CCDC171: variants seen among roughly 807,000 people sequenced by gnomAD.
CCDC171 encodes the protein coiled-coil domain containing 171, also known as coiled-coil domain-containing protein 171.
In CCDC171, 177 loss-of-function variants were observed where a neutral mutation model predicts 168.2. The observed-to-expected ratio is 1.05, with a 90% CI of 0.93 to 1.19. CCDC171 has a LOEUF of 1.19. CCDC171 is among the 50% of genes most tolerant of loss of function. The probability of loss-of-function intolerance (pLI) is 0.00; values close to 1 mark genes in which losing one functional copy is unlikely to be tolerated. For synonymous variants in CCDC171, 687 were observed against 540.8 expected (o/e 1.27, Z -3.75); for missense variants, 1,991 against 1,539.0 (o/e 1.29, Z -4.91).
intron 3 of CCDC171, among the ~76,000 whole-genome samples, chr9:15,983,815 AGAGTGTGTGTGTGT>A (rs1471041754): frequency 2.4e-5 from 3 of 124,584 alleles, no homozygotes; most frequent in South Asian, 5.6e-4. Context: ...CTAAATAAAG[AGAGTGTGTGTGTGT>A]GTGTGTGTGT....
intron 7 of CCDC171, among the ~76,000 whole-genome samples, chr9:15,626,103 T>A (rs1371928470): frequency 6.6e-6 from 1 of 152,222 alleles, no homozygotes; most frequent in Non-Finnish European, 1.5e-5. Flanking sequence ...GTTCCACTCA[T>A]GATATGGCTG....
chr9:15,632,465 G>T (rs958968440), intron 7 of CCDC171, among the ~76,000 whole-genome samples: 1 of 151,962 alleles, frequency 6.6e-6, no homozygotes, highest in Non-Finnish European at 1.5e-5. Context: ...AACTTACAAG[G>T]GATGTGAAGG....
At chr9:16,097,757 T>C in the CCDC171 span, among the ~76,000 whole-genome samples, 2 of 152,312 alleles carry the variant, frequency 1.3e-5, no homozygotes, top group East Asian at 3.9e-4. Flanking sequence ...AAGAGGCTCA[T>C]TGAGATAAAT....
chr9:15,965,697 A>AGGAGCTACTC (rs57983659), intron 25 of CCDC171, among the ~76,000 whole-genome samples: 1 of 151,968 alleles, frequency 6.6e-6, no homozygotes, highest in Non-Finnish European at 1.5e-5. Flanking sequence ...AGAAGGGAAG[A>AGGAGCTACTC]TATGCTACAC....
intron 6 of CCDC171, among the ~76,000 whole-genome samples, chr9:15,608,665 C>G (rs932609742): frequency 2.0e-5 from 3 of 150,940 alleles, no homozygotes; most frequent in Non-Finnish European, 4.4e-5. Context: ...TTAATAGGAA[C>G]TTTTGGCTGG....
intron 6 of CCDC171, among the ~76,000 whole-genome samples, chr9:16,027,604 G>C (rs962641143): frequency 4.6e-5 from 7 of 152,180 alleles, no homozygotes; most frequent in Non-Finnish European, 1.0e-4. Flanking sequence ...TGAGTTTTCA[G>C]GACTGAGTAT....
In CCDC171 at chr9:15,974,010, C is replaced by A. The variant is rs970795763; in HGVS notation, c.*2174C>A. The stretch of plus-strand genomic sequence containing the variant: ...TTATAATCTGTTAATGGGATAACTC[C>A]AAAAATAAATGTGTATGTGTCTCCA... On this transcript the variant is annotated 3_prime_UTR_variant, in exon 26 of 26. Coordinates refer to ENST00000380701, the MANE Select transcript of CCDC171 (RefSeq NM_173550.4). The A allele has an allele frequency of 1.3e-5, 2 of 152,014 alleles. No homozygotes were observed. Among genetic ancestry groups the A allele is most frequent in the African/African-American group, 4.8e-5 (2 of 41,384 alleles). The allele number at this position is 152,014 out of a possible 1,614,324, so 9.4% of individuals were successfully genotyped here.
At chr9:16,063,260 C>T (rs768386479), downstream of CCDC171, among the ~76,000 whole-genome samples, 1 of 152,108 alleles carries the variant, frequency 6.6e-6, no homozygotes, top group East Asian at 1.9e-4. Context: ...ACTCCAGATG[C>T]CCCAGGCAGA....
intron 24 of CCDC171, among the ~76,000 whole-genome samples, chr9:15,878,781 G>T (rs536239105): frequency 1.3e-5 from 2 of 152,136 alleles, no homozygotes; most frequent in Non-Finnish European, 2.9e-5. Flanking sequence ...TATACACCAT[G>T]GAATACTATA....
At chr9:16,000,473 T>C (rs1199743717) in intron 3 of CCDC171, among the ~76,000 whole-genome samples, 1 of 152,152 alleles carries the variant, frequency 6.6e-6, no homozygotes, top group Admixed American at 6.6e-5. Context: ...ATTTTAATCA[T>C]CTTTAACACT....
intron 18 of CCDC171, among the ~76,000 whole-genome samples, chr9:15,768,726 T>C (rs1188740130): frequency 2.6e-5 from 4 of 152,232 alleles, no homozygotes; most frequent in African/African-American, 4.8e-5. Flanking sequence ...GGTCATTCTA[T>C]AGATACATTA....
intron 16 of CCDC171, among the ~76,000 whole-genome samples, chr9:15,740,687 G>A (rs764289578): frequency 3.3e-5 from 5 of 152,018 alleles, no homozygotes; most frequent in Admixed American, 6.5e-5. Flanking sequence ...TGATCCACCC[G>A]CCTTGGCCTC....
chr9:15,744,473 A>G lies in CCDC171; in HGVS notation c.2250A>G (p.Thr750=), dbSNP rs750388048. Residue 750 remains threonine, a synonymous_variant, in exon 17 of 26, where the codon ACA becomes ACG. Coordinates refer to ENST00000380701, the MANE Select transcript of CCDC171 (RefSeq NM_173550.4). Reference sequence around the variant, plus strand: ...ATAGCCGATCATGCGCCTTGTCTACACAGAGAGATTTTCTCCAGGAGCAGG... The same window carrying G: ...ATAGCCGATCATGCGCCTTGTCTACGCAGAGAGATTTTCTCCAGGAGCAGG... ...PLYSRSCALS[T]QRDFLQEQVN... The G allele has an allele frequency of 5.6e-6, 9 of 1,614,186 alleles. No individual in the cohort carries two copies. Among genetic ancestry groups the G allele is most frequent in the Non-Finnish European group, 2.5e-6 (3 of 1,180,020 alleles).
At position 15,647,448 on chromosome 9, in the gene CCDC171, G is replaced by C. The variant is rs531479917; in HGVS notation, c.823-9679G>C. 5.3e-5 allele frequency among the ~76,000 whole-genome samples: 8 copies of C among 152,162 alleles called. No homozygotes were observed. In the South Asian group the frequency reaches 1.7e-3, roughly 32 times the overall value. On this transcript the variant is annotated intron_variant, in intron 7 of 25. Transcript: ENST00000380701. ...ACAAAAAACCCTTCAAAAAATCAAT[G>C]AATTTAGCAGCTGGTTTTTTTAAAA...
At chr9:16,009,584 T>A (rs2132980661) in intron 3 of CCDC171, among the ~76,000 whole-genome samples, 1 of 152,318 alleles carries the variant, frequency 6.6e-6, no homozygotes, top group East Asian at 1.9e-4. Flanking sequence ...GGTAAGTGAA[T>A]GAGAATCATC....
intron 6 of CCDC171, among the ~76,000 whole-genome samples, chr9:15,601,759 G>C (rs559597130): frequency 1.2e-4 from 18 of 152,296 alleles, no homozygotes; most frequent in African/African-American, 4.3e-4. Flanking sequence ...TTAAGTTGTT[G>C]ATAAGTGTCT....
intron 3 of CCDC171, among the ~76,000 whole-genome samples, chr9:15,986,918 A>T (rs578046322): frequency 6.7e-6 from 1 of 148,782 alleles, no homozygotes; most frequent in Non-Finnish European, 1.5e-5. Flanking sequence ...CCTTTAATAC[A>T]TGGCATTAGA....
rs115760865 is a variant in CCDC171, at chr9:15,716,125, C to T, written c.1319-5644C>T. Among the ~76,000 whole-genome samples the T allele has an allele frequency of 5.5e-3, 839 of 152,300 alleles. 6 individuals are homozygous for T. The highest frequency in any genetic ancestry group is 0.02 in the African/African-American group (821 of 41,566). Reference sequence around the variant, plus strand: ...CTTCCCCCTTGTCCCTGGTAACCTCCATTCTACTTTTTTTCTATGAATTTG... The same window carrying T: ...CTTCCCCCTTGTCCCTGGTAACCTCTATTCTACTTTTTTTCTATGAATTTG... On this transcript the variant is annotated intron_variant, in intron 11 of 25. Transcript: ENST00000380701.
chr9:15,796,181 A>C (rs755191080), intron 21 of CCDC171, among the ~76,000 whole-genome samples: 9 of 152,236 alleles, frequency 5.9e-5, no homozygotes, highest in Non-Finnish European at 8.8e-5. Flanking sequence ...TTGTAAGTTA[A>C]GACATGAAAA....
Sources: gnomAD v4.1 joint callset for allele counts (sites outside exome capture counted in the v4.1 genomes callset) on GRCh38, gnomAD v4.1.1 for gene constraint, MANE v1.5 for transcripts, NCBI Gene and HGNC (gene_info 2026-07-23, HGNC 2026-07-21) for gene names.